The following SMG6 variants were observed in gnomAD, a reference collection of about 807,000 sequenced individuals.
The protein encoded by SMG6 is SMG6 nonsense mediated mRNA decay factor.
Under a neutral mutation model 142.2 loss-of-function variants are expected in SMG6, and 66 were observed. The observed-to-expected ratio is 0.46, with a 90% CI of 0.38 to 0.57. The LOEUF (loss-of-function observed/expected upper bound fraction) is 0.57, where lower values mean the gene tolerates loss of function less well. Ranked by LOEUF, SMG6 falls within the 20% of genes least tolerant of loss-of-function variation. The pLI, the probability that SMG6 is intolerant of heterozygous loss-of-function variation, is 0.00. For missense variants in SMG6, 1,793 were observed against 1,832.0 expected (o/e 0.98, Z 0.39); for synonymous variants, 779 against 702.4 (o/e 1.11, Z -1.72).
intron 13 of SMG6, among the ~76,000 whole-genome samples, chr17:2,128,864 G>A (rs752282790): frequency 1.7e-4 from 25 of 147,804 alleles, no homozygotes; most frequent in South Asian, 1.1e-3. Context: ...AAAGAAAGAG[G>A]AAGACAAAAA....
chr17:2,270,075 A>G lies in SMG6; in HGVS notation c.2661+12572T>C, dbSNP rs188653258. Among the ~76,000 whole-genome samples the G allele has an allele frequency of 4.2e-4, 64 of 152,268 alleles. 1 individual carries two copies. Among genetic ancestry groups the G allele is most frequent in the Admixed American group, 3.9e-3 (59 of 15,286 alleles). ...CTAGCACTTGAACTCAGGACTTTCC[A>G]AAGCTCTGCACTATCCTGGCTCTGA... On this transcript the variant is annotated intron_variant, in intron 8 of 18. Coordinates refer to ENST00000263073, the MANE Select transcript of SMG6 (RefSeq NM_017575.5).
intron 10 of SMG6, chr17:2,236,044 A>G (rs2073641705): frequency 6.6e-6 from 1 of 152,350 alleles, no homozygotes; most frequent in Admixed American, 6.5e-5. Context: ...CACTAGGGAT[A>G]TCCCATAGGG....
chr17:2,181,539 G>GA (rs1261354021), intron 12 of SMG6, among the ~76,000 whole-genome samples: 1 of 152,258 alleles, frequency 6.6e-6, no homozygotes, highest in Non-Finnish European at 1.5e-5. Flanking sequence ...GGCTTCACGA[G>GA]AGAGTAAGTG....
intron 8 of SMG6, among the ~76,000 whole-genome samples, chr17:2,281,990 T>C (rs568825185): frequency 2.0e-5 from 3 of 152,372 alleles, no homozygotes; most frequent in African/African-American, 7.2e-5. Context: ...TGTGCTCTCA[T>C]ATACTGGGTG....
intron 4 of SMG6, among the ~76,000 whole-genome samples, chr17:2,293,184 C>CA (rs1415965596): frequency 6.6e-6 from 1 of 152,092 alleles, no homozygotes; most frequent in Non-Finnish European, 1.5e-5. Context: ...ACCAAAAAAA[C>CA]AGTCAGCAGT....
chr17:2,210,712 ACAGCATTTCTGGAAATG>A (rs1240827208), intron 10 of SMG6, among the ~76,000 whole-genome samples: 1 of 151,600 alleles, frequency 6.6e-6, no homozygotes, highest in African/African-American at 2.4e-5. Context: ...GAAAACAGAT[ACAGCATTTCTGGAAATG>A]CTGTCTGCAG....
chr17:2,065,064 A>G lies in SMG6; in HGVS notation c.4129+9T>C, dbSNP rs1259281173. 3 of 1,612,146 alleles carry G rather than the reference A, an allele frequency of 1.9e-6. No individual in the cohort carries two copies. Among genetic ancestry groups the G allele is most frequent in the Non-Finnish European group, 2.5e-6 (3 of 1,178,418 alleles). On this transcript the variant is annotated intron_variant, in intron 18 of 18. Transcript: ENST00000263073. The stretch of plus-strand genomic sequence containing the variant: ...GATGGAAGATCCCAAGGCGGAGGCA[A>G]AGCTGTACCTTTGCTGGCGGGCATG...
intron 6 of SMG6, among the ~76,000 whole-genome samples, chr17:2,286,308 A>C (rs2074903413): frequency 4.1e-5 from 2 of 48,866 alleles, no homozygotes; most frequent in African/African-American, 1.0e-4. Flanking sequence ...TCAAATGGCC[A>C]AAAAAAAAAA....
At chr17:2,064,973 C>A in intron 18 of SMG6, 100 bp downstream of exon 18, 1 of 944,280 alleles carries the variant, frequency 1.1e-6, no homozygotes, top group Admixed American at 2.0e-5. Context: ...CTTAGACTTC[C>A]CAGGCCAGAG....
chr17:2,276,387 G>A (rs2074649278), intron 8 of SMG6, among the ~76,000 whole-genome samples: 2 of 152,010 alleles, frequency 1.3e-5, no homozygotes, highest in South Asian at 2.1e-4. Context: ...CAACTGTCCA[G>A]CAAACGTTTT....
chr17:2,242,356 CAAAAAAAAAAA>C (rs57062488), intron 9 of SMG6, among the ~76,000 whole-genome samples: 6 of 73,512 alleles, frequency 8.2e-5, no homozygotes, highest in Non-Finnish European at 1.2e-4. Flanking sequence ...ACTGAAGATA[CAAAAAAAAAAA>C]AAAAAAAAAA....
chr17:2,248,657 T>C (rs1313099531), intron 8 of SMG6, among the ~76,000 whole-genome samples: 1 of 152,168 alleles, frequency 6.6e-6, no homozygotes. Flanking sequence ...TCCCTAACCT[T>C]AGTTAATGAG....
chr17:2,065,233 C>T lies in SMG6; in HGVS notation c.4048-79G>A, dbSNP rs2067906282. On this transcript the variant is annotated intron_variant, in intron 17 of 18. Transcript: ENST00000263073. ...GAGGAGGAGGAGGGATCCTCTGCCT[C>T]GGGGGCCCTGGGCAGGGCCACCTCC... The T allele has an allele frequency of 1.3e-5, 17 of 1,289,070 alleles. No homozygotes were observed. The Admixed American group carries it at 2.0e-4, about 15-fold the overall frequency. 79.9% of individuals were successfully genotyped at this position (1,289,070 alleles called of 1,614,324 possible).
At chr17:2,154,988 C>T (rs1420481902) in intron 13 of SMG6, among the ~76,000 whole-genome samples, 2 of 151,874 alleles carry the variant, frequency 1.3e-5, no homozygotes, top group Non-Finnish European at 2.9e-5. Flanking sequence ...TGAGCCACTG[C>T]ATTCCAGCAC....
intron 13 of SMG6, among the ~76,000 whole-genome samples, chr17:2,089,187 T>C (rs2068646317): frequency 6.6e-6 from 1 of 152,144 alleles, no homozygotes; most frequent in East Asian, 1.9e-4. Context: ...TTCCACTCTA[T>C]ATCAATGAAA....
chr17:2,233,888 A>G (rs1026232110), intron 10 of SMG6, among the ~76,000 whole-genome samples: 2 of 152,178 alleles, frequency 1.3e-5, no homozygotes, highest in African/African-American at 4.8e-5. Context: ...CACACTGGGT[A>G]CTTGGCAGCA....
intron 9 of SMG6, among the ~76,000 whole-genome samples, chr17:2,240,774 A>G (rs2073781192): frequency 6.6e-6 from 1 of 152,260 alleles, no homozygotes; most frequent in Admixed American, 6.5e-5. Context: ...GGCACAGAGC[A>G]GACCATGCCT....
At chr17:2,087,276 G>A (rs2068590027) in intron 13 of SMG6, 19 of 1,278,598 alleles carry the variant, frequency 1.5e-5, no homozygotes, top group Non-Finnish European at 1.7e-5. Flanking sequence ...GAGAGCAGAT[G>A]AAGCAGGCAT....
chr17:2,229,318 C>CTTACCT (rs2073405436), intron 10 of SMG6: 1 of 152,246 alleles, frequency 6.6e-6, no homozygotes, highest in Non-Finnish European at 1.5e-5. Context: ...CCCCAACTCT[C>CTTACCT]TTACCTTTAC....
Sources: allele counts gnomAD v4.1 joint callset (sites outside exome capture counted in the v4.1 genomes callset), GRCh38; gene constraint gnomAD v4.1.1; transcripts MANE v1.5; gene names NCBI Gene and HGNC (gene_info 2026-07-23, HGNC 2026-07-21).